The following ADAD2 variants were observed in gnomAD, a reference collection of about 807,000 sequenced individuals.
The protein encoded by ADAD2 is adenosine deaminase domain containing 2.
Under a neutral mutation model 54.5 loss-of-function variants are expected in ADAD2, and 60 were observed. The ratio of observed to expected loss-of-function variants is 1.10; its 90% CI spans 0.89 to 1.36. ADAD2 has a LOEUF of 1.36. Among genes scored for constraint, ADAD2 ranks in the 40% most tolerant of loss-of-function variants. The pLI is 0.00. For synonymous variants in ADAD2, 543 were observed against 366.2 expected (o/e 1.48, Z -5.51); for missense variants, 1,103 against 801.3 (o/e 1.38, Z -4.54).
rs1316513805 is a variant in ADAD2 at position 84,195,590 on chromosome 16, C to T, written c.945C>T (p.Ser315=). The stretch of plus-strand genomic sequence containing the variant: ...GGGGCCCCAAGGGCAAGGAGCAGTC[C>T]GTGCTGGCCCCCCAGCCAGGGCCCG... ...TQGGPKGKEQ[S]VLAPQPGPGP... Residue 315 remains serine (S), a synonymous_variant, in exon 6 of 10, where the codon TCC becomes TCT. Transcript: ENST00000315906. 36 of 1,603,806 alleles carry T rather than the reference C, an allele frequency of 2.2e-5. No homozygotes were observed. Among genetic ancestry groups the T allele is most frequent in the African/African-American group, 2.7e-5 (2 of 74,542 alleles).
At chr16:84,194,712 C>T (rs1250544570) in intron 2 of ADAD2, 130 bp downstream of exon 2, 18 of 1,458,646 alleles carry the variant, frequency 1.2e-5, no homozygotes, top group Non-Finnish European at 1.7e-5. Context: ...ACCATCTGAG[C>T]ATCAGGACGT....
Position 84,195,136 on chromosome 16 carries a change from C to A in ADAD2, c.675C>A (p.Asp225Glu). Residue 225 changes from aspartate (D) to glutamate (E), a missense_variant, in exon 4 of 10, where the codon GAC becomes GAA. Coordinates refer to ENST00000315906, the MANE Select transcript of ADAD2 (RefSeq NM_001145400.2). ...LVSAGFDLLL[D>E]ERSPYWACKG... is the part of the protein sequence containing the mutation. ...GCGCCGGCTTTGACCTCCTGTTGGACGAGCGCTCGCCATACTGGGCCTGTA... is the reference window on the plus strand; with the variant it reads ...GCGCCGGCTTTGACCTCCTGTTGGAAGAGCGCTCGCCATACTGGGCCTGTA... The A allele has an allele frequency of 2.5e-6, 4 of 1,613,600 alleles. No homozygotes were observed. Among genetic ancestry groups the A allele is most frequent in the Non-Finnish European group, 3.4e-6 (4 of 1,180,008 alleles).
Position 84,191,506 on chromosome 16 carries a change from G to A in ADAD2, c.276G>A (p.Gly92=), listed in dbSNP as rs1460923986. 6.5e-7 allele frequency: 1 copy of A among 1,543,144 alleles called. No individual in the cohort carries two copies. Among genetic ancestry groups the A allele is most frequent in the Admixed American group, 2.0e-5 (1 of 50,216 alleles). ...RAWENLGEQM[G]KAPRVPVPPA... is the part of the protein sequence containing the mutation. ...GGGAAAACTTGGGGGAACAGATGGGGAAGGCCCCGAGGGTCCCTGTGCCCC... is the reference window on the plus strand; with the variant it reads ...GGGAAAACTTGGGGGAACAGATGGGAAAGGCCCCGAGGGTCCCTGTGCCCC... The change falls in exon 1 of 10, where the codon GGG becomes GGA. Residue 92 remains glycine, a synonymous_variant. Transcript: ENST00000315906.
chr16:84,193,936 G>C, intron 1 of ADAD2: 1 of 1,421,764 alleles, frequency 7.0e-7, no homozygotes. Context: ...TTGACCATGT[G>C]ATCCCAGTTC....
Position 84,194,509 on chromosome 16 carries a change from T to C in ADAD2, c.486T>C (p.Asn162=), listed in dbSNP as rs776065277. 2.5e-6 allele frequency: 4 copies of C among 1,612,456 alleles called. No individual in the cohort carries two copies. The highest frequency in any genetic ancestry group is 2.5e-6 in the Non-Finnish European group (3 of 1,179,644). The part of the protein sequence containing the change: ...DGVVCPAGTA[N]SKTEAKQQAA... ...TGGTCTGCCCTGCGGGCACTGCGAA[T>C]AGCAAGACGGAGGCCAAACAGCAGG... The change falls in exon 2 of 10, where the codon AAT becomes AAC. Residue 162 remains asparagine (N), a synonymous_variant. Coordinates refer to ENST00000315906, the MANE Select transcript of ADAD2 (RefSeq NM_001145400.2).
At chr16:84,191,728 T>C (rs1304104983) in intron 1 of ADAD2, 80 bp downstream of exon 1, 7 of 1,524,598 alleles carry the variant, frequency 4.6e-6, no homozygotes, top group Non-Finnish European at 5.3e-6. Flanking sequence ...GAGCAGGGGG[T>C]CTGGGGAAGG....
At position 84,195,522 on chromosome 16, in the gene ADAD2, G is replaced by C. The variant is rs202228749; in HGVS notation, c.885-8G>C. 1.5e-4 allele frequency: 245 copies of C among 1,598,228 alleles called. No homozygotes were observed. The Middle Eastern group carries it at 1.7e-3, about 11-fold the overall frequency. On this transcript the variant is annotated splice_region_variant and splice_polypyrimidine_tract_variant and intron_variant, in intron 5 of 9. Coordinates refer to ENST00000315906, the MANE Select transcript of ADAD2 (RefSeq NM_001145400.2). Reference sequence around the variant, plus strand: ...TCTTCCCAACCACCCTGTGCCTGTCGCTCCTAGGTTCTTGTTCCGGCAGCT... The same window carrying C: ...TCTTCCCAACCACCCTGTGCCTGTCCCTCCTAGGTTCTTGTTCCGGCAGCT...
rs376511263 is a variant in ADAD2 at position 84,196,646 on chromosome 16, G to A, written c.1527-1G>A. On this transcript the variant is annotated splice_acceptor_variant, in intron 8 of 9. Transcript: ENST00000315906. LOFTEE classifies it high-confidence loss of function. ...CTCAGTGGTATCCTCTCTTCATCCA[G>A]TGCCGCCCTGGGGCCTCCCTCCCGT... 2 of 1,612,784 alleles carry A rather than the reference G, an allele frequency of 1.2e-6. No individual in the cohort carries two copies. The highest frequency in any genetic ancestry group is 1.7e-6 in the Non-Finnish European group (2 of 1,179,754).
intron 2 of ADAD2, 107 bp from the exon 3 acceptor site, chr16:84,194,826 C>T: frequency 3.0e-6 from 4 of 1,348,590 alleles, no homozygotes; most frequent in Non-Finnish European, 4.0e-6. Flanking sequence ...CGTGTAATGT[C>T]CTGTGTCTGG....
At position 84,195,555 on chromosome 16, in the gene ADAD2, G is replaced by A; in HGVS notation, c.910G>A (p.Ala304Thr). ...LRFLFRQLLL[A>T]TQGGPKGKEQ... ...GTTCTTGTTCCGGCAGCTCCTGCTG[G>A]CCACACAGGGGGGCCCCAAGGGCAA... Residue 304 changes from alanine (A) to threonine (T), a missense_variant, in exon 6 of 10, where the codon GCC (alanine) becomes ACC (threonine). Coordinates refer to ENST00000315906, the MANE Select transcript of ADAD2 (RefSeq NM_001145400.2). The A allele has an allele frequency of 6.3e-7, 1 of 1,598,530 alleles. No homozygotes were observed. The highest frequency in any genetic ancestry group is 8.5e-7 in the Non-Finnish European group (1 of 1,172,246).
In ADAD2 at chr16:84,191,610, T is replaced by G; in HGVS notation, c.380T>G (p.Leu127Arg). 1.3e-6 allele frequency: 2 copies of G among 1,553,770 alleles called. No individual in the cohort carries two copies. Among genetic ancestry groups the G allele is most frequent in the Non-Finnish European group, 1.7e-6 (2 of 1,148,904 alleles). ...VSLLTEYAAS[L>R]GIFLLFREDQ... ...TTGCTCACGGAGTACGCGGCCAGCCTGGGCATCTTCCTGCTCTTCCGGGAG... is the reference window on the plus strand; with the variant it reads ...TTGCTCACGGAGTACGCGGCCAGCCGGGGCATCTTCCTGCTCTTCCGGGAG... Residue 127 changes from leucine (L) to arginine (R), a missense_variant, in exon 1 of 10, where the codon CTG (leucine) becomes CGG (arginine). By Grantham distance (102) the Leu-to-Arg change is moderately radical (BLOSUM62 -2). Coordinates refer to ENST00000315906, the MANE Select transcript of ADAD2 (RefSeq NM_001145400.2).
rs1424346165 is a variant in ADAD2 at position 84,195,334 on chromosome 16, A to C, written c.772A>C (p.Lys258Gln). The part of the protein sequence containing the change: ...RARGHVKEIY[K>Q]LVALGTGSSC... The stretch of plus-strand genomic sequence containing the variant: ...CAGGGGCCACGTGAAGGAGATCTAC[A>C]AGCTGGTGGCTCTGGGCACCGGCAG... The change falls in exon 5 of 10, where the codon AAG (lysine) becomes CAG (glutamine). Residue 258 changes from lysine to glutamine, a missense_variant. Coordinates refer to ENST00000315906, the MANE Select transcript of ADAD2 (RefSeq NM_001145400.2). 6.2e-7 allele frequency: 1 copy of C among 1,610,808 alleles called. No homozygotes were observed. Among genetic ancestry groups the C allele is most frequent in the Non-Finnish European group, 8.5e-7 (1 of 1,179,792 alleles).
At position 84,194,446 on chromosome 16, in the gene ADAD2, C is replaced by A. The variant is rs781661145; in HGVS notation, c.423C>A (p.Pro141=). The change falls in exon 2 of 10, where the codon CCC becomes CCA. Residue 141 remains proline, a synonymous_variant. Transcript: ENST00000315906. The part of the protein sequence containing the change: ...LLFREDQPPG[P]CFPFSVSAEL... Reference sequence around the variant, plus strand: ...CTCACCTGGCTCCTTCCCCAGGTCCCTGCTTCCCCTTCTCGGTGAGCGCGG... The same window carrying A: ...CTCACCTGGCTCCTTCCCCAGGTCCATGCTTCCCCTTCTCGGTGAGCGCGG... 2.5e-6 allele frequency: 4 copies of A among 1,604,354 alleles called. No homozygotes were observed. The highest frequency in any genetic ancestry group is 2.2e-5 in the East Asian group (1 of 44,828).
At chr16:84,194,713 A>G in intron 2 of ADAD2, 131 bp downstream of exon 2, 1 of 1,459,330 alleles carries the variant, frequency 6.9e-7, no homozygotes, top group Middle Eastern at 2.2e-4. Context: ...CCATCTGAGC[A>G]TCAGGACGTC....
In ADAD2 at chr16:84,191,235, C is replaced by A. The variant is rs2089644544; in HGVS notation, c.5C>A (p.Ala2Asp). The change falls in exon 1 of 10, where the codon GCT (alanine) becomes GAT (aspartate). Residue 2 changes from alanine (A) to aspartate (D), a missense_variant. Transcript: ENST00000315906. The part of the protein sequence containing the change: M[A>D]SASQGADDDG... ...CTCAGATCTTCGTTGGCGGCCATGG[C>A]TTCGGCTTCTCAGGGCGCTGACGAC... 6.2e-7 allele frequency: 1 copy of A among 1,607,652 alleles called. No homozygotes were observed. Among genetic ancestry groups the A allele is most frequent in the Non-Finnish European group, 8.5e-7 (1 of 1,176,974 alleles).
intron 6 of ADAD2, 40 bp from the exon 7 acceptor site, chr16:84,195,775 G>T: frequency 6.4e-7 from 1 of 1,555,654 alleles, no homozygotes; most frequent in South Asian, 1.2e-5. Flanking sequence ...GGTCAGAAGA[G>T]CAGCCCTGAA....
rs776172450 is a variant in ADAD2 at position 84,194,065 on chromosome 16, C to T, written c.419-377C>T. 1.1e-5 allele frequency: 18 copies of T among 1,611,438 alleles called. No individual in the cohort carries two copies. In the East Asian group the frequency reaches 2.5e-4, roughly 22 times the overall value. On this transcript the variant is annotated intron_variant, in intron 1 of 9. Transcript: ENST00000315906. The stretch of plus-strand genomic sequence containing the variant: ...GGAATTGAAAGCAATGTGTCTGTGG[C>T]AGGTGGAAGTGCTCAGAGCCTTCCT...
In ADAD2 at chr16:84,194,010, A is replaced by C. The variant is rs568626717; in HGVS notation, c.419-432A>C. 175 of 1,576,904 alleles carry C rather than the reference A, an allele frequency of 1.1e-4. No homozygotes were observed. In the South Asian group the frequency reaches 1.9e-3, roughly 17 times the overall value. ...CAAAATGATACTGTTTCATAGGAAA[A>C]GTGTTCAAATATAGAGCCCCTGGAG... On this transcript the variant is annotated intron_variant, in intron 1 of 9. Coordinates refer to ENST00000315906, the MANE Select transcript of ADAD2 (RefSeq NM_001145400.2).
Position 84,195,205 on chromosome 16 carries a change from C to T in ADAD2, c.733+11C>T, listed in dbSNP as rs201201804. On this transcript the variant is annotated intron_variant, in intron 4 of 9. Transcript: ENST00000315906. The stretch of plus-strand genomic sequence containing the variant: ...TCATCCTGGAGAGGGGTAGGGATCG[C>T]CCCAGCCCTGGCCCTGGCCCCGGCC... 2,870 of 1,611,662 alleles carry T rather than the reference C, an allele frequency of 1.8e-3. 72 individuals carry two copies. In the South Asian group the frequency reaches 0.029, roughly 16 times the overall value.
Sources: gnomAD v4.1 joint callset for allele counts on GRCh38, gnomAD v4.1.1 for gene constraint, MANE v1.5 for transcripts, NCBI Gene and HGNC (gene_info 2026-07-23, HGNC 2026-07-21) for gene names.